Variants in BLOC1S5 observed in about 807,000 individuals in gnomAD.
BLOC1S5 encodes the protein biogenesis of lysosome-related organelles complex 1 subunit 5.
BLOC1S5 carries 27 observed loss-of-function variants against 24.3 expected under a neutral mutation model. The observed-to-expected ratio is 1.11, with a 90% CI of 0.82 to 1.53. The LOEUF is 1.53. BLOC1S5 is among the 40% of genes most tolerant of loss of function. The pLI is 0.00. For synonymous variants in BLOC1S5, 84 were observed against 74.5 expected, an observed-to-expected ratio of 1.13 and a Z score of -0.66; for missense variants, 239 against 229.4, an observed-to-expected ratio of 1.04 and a Z score of -0.27.
intron 3 of BLOC1S5, among the ~76,000 whole-genome samples, chr6:8,034,196 A>G (rs1036233876): frequency 1.3e-5 from 2 of 152,242 alleles, no homozygotes; most frequent in Non-Finnish European, 2.9e-5. Flanking sequence ...TTATTGCAGC[A>G]CTATTCACAA....
rs141467647 is a variant in BLOC1S5, at chr6:8,064,280, G to C, written c.97C>G (p.His33Asp). 39 of 1,613,542 alleles carry C rather than the reference G, an allele frequency of 2.4e-5. No individual in the cohort carries two copies. The African/African-American group carries it at 4.8e-4, about 20-fold the overall frequency. ...CACTCCGTACCCTTGATAATGAGGT[G>C]CGCTGAGCCCGCAGTCCCCAGGGAG... ...RDSLGTAGSA[H>D]LIIKDLGEIH... The change falls in exon 1 of 5, where the codon CAC (histidine) becomes GAC (aspartate). Residue 33 changes from histidine (H) to aspartate (D), a missense_variant. By Grantham distance (81) the His-to-Asp change is moderately conservative (BLOSUM62 -1). Transcript: ENST00000397457.
chr6:8,019,214 C>G (rs1430939393), intron 4 of BLOC1S5, among the ~76,000 whole-genome samples: 2 of 152,010 alleles, frequency 1.3e-5, no homozygotes, highest in African/African-American at 4.8e-5. Flanking sequence ...TACAGTCACT[C>G]CACGCTATCG....
At chr6:8,052,895 C>CA (rs572772278) in intron 2 of BLOC1S5, among the ~76,000 whole-genome samples, 22,515 of 115,576 alleles carry the variant, frequency 0.19, 1,753 homozygotes, top group Admixed American at 0.23. Context: ...GAGACTCTGT[C>CA]AAAAAAAAAA....
At chr6:8,039,840 C>T (rs1763618547) in intron 3 of BLOC1S5, among the ~76,000 whole-genome samples, 1 of 152,032 alleles carries the variant, frequency 6.6e-6, no homozygotes, top group African/African-American at 2.4e-5. Context: ...GGGTATGGGA[C>T]CAGGCTAAAA....
At chr6:8,052,748 A>C (rs1764160908) in intron 2 of BLOC1S5, among the ~76,000 whole-genome samples, 1 of 152,100 alleles carries the variant, frequency 6.6e-6, no homozygotes, top group Non-Finnish European at 1.5e-5. Context: ...CAAAAAAATT[A>C]GCCGGGCACA....
intron 2 of BLOC1S5, among the ~76,000 whole-genome samples, chr6:8,053,066 C>T (rs553405701): frequency 1.3e-5 from 2 of 152,282 alleles, no homozygotes; most frequent in African/African-American, 4.8e-5. Context: ...ACAATGGCCT[C>T]TACGTGTTCA....
chr6:8,063,064 T>C (rs983539097), intron 1 of BLOC1S5, among the ~76,000 whole-genome samples: 1 of 152,132 alleles, frequency 6.6e-6, no homozygotes, highest in African/African-American at 2.4e-5. Flanking sequence ...ATAATAAATA[T>C]AATAAAAAAG....
At chr6:8,054,259 C>G (rs1456158038) in intron 2 of BLOC1S5, 1 of 452,132 alleles carries the variant, frequency 2.2e-6, no homozygotes, top group Admixed American at 2.4e-5. Context: ...CTACTTTTCA[C>G]ATACACTCAC....
At chr6:8,038,613 T>A (rs1040931865) in intron 3 of BLOC1S5, among the ~76,000 whole-genome samples, 3 of 152,092 alleles carry the variant, frequency 2.0e-5, no homozygotes, top group Non-Finnish European at 4.4e-5. Context: ...GCCTCCTGAG[T>A]AGCTGGGACT....
At chr6:8,061,100 T>C (rs1764495252) in intron 2 of BLOC1S5, among the ~76,000 whole-genome samples, 1 of 152,172 alleles carries the variant, frequency 6.6e-6, no homozygotes, top group Non-Finnish European at 1.5e-5. Flanking sequence ...AGTGCTGGGA[T>C]AAATTGAGCC....
intron 2 of BLOC1S5, among the ~76,000 whole-genome samples, chr6:8,056,292 G>T (rs1054853258): frequency 1.3e-5 from 2 of 152,118 alleles, no homozygotes; most frequent in African/African-American, 2.4e-5. Context: ...AGCACTCAAG[G>T]CTCTCGCAAG....
intron 2 of BLOC1S5, among the ~76,000 whole-genome samples, chr6:8,046,000 G>C (rs1317214883): frequency 6.6e-6 from 1 of 152,148 alleles, no homozygotes; most frequent in Non-Finnish European, 1.5e-5. Flanking sequence ...GTGAGATTTG[G>C]AGGGGCCAAA....
intron 2 of BLOC1S5, among the ~76,000 whole-genome samples, chr6:8,044,283 CAAAAAAAA>C (rs1175141654): frequency 1.1e-5 from 1 of 89,000 alleles, no homozygotes; most frequent in Non-Finnish European, 2.2e-5. Context: ...GACTCTGTCT[CAAAAAAAA>C]AAAAAAAAAA....
At chr6:8,028,759 T>G (rs2113533185) in intron 3 of BLOC1S5, among the ~76,000 whole-genome samples, 1 of 148,248 alleles carries the variant, frequency 6.7e-6, no homozygotes, top group South Asian at 2.1e-4. Context: ...ACGGAAAAGG[T>G]TTACTTTCTG....
rs1481250981 is a variant in BLOC1S5 at position 8,025,929 on chromosome 6, C to T, written c.384+438G>A. Among the ~76,000 whole-genome samples, 5 of 152,214 alleles carry T rather than the reference C, an allele frequency of 3.3e-5. 1 individual carries two copies. The highest frequency in any genetic ancestry group is 1.2e-4 in the African/African-American group (5 of 41,470). On this transcript the variant is annotated intron_variant, in intron 4 of 4. Coordinates refer to ENST00000397457, the MANE Select transcript of BLOC1S5 (RefSeq NM_201280.3). ...TAACATATAATTCAAATAAGCAAAG[C>T]ACTGCCCAGCAAATGATTCAAATAC...
rs1399309971 is a variant in BLOC1S5, at chr6:8,063,903, C to T, written c.112+362G>A. Among the ~76,000 whole-genome samples the T allele has an allele frequency of 2.0e-5, 3 of 152,342 alleles. No homozygotes were observed. The East Asian group carries it at 5.8e-4, about 29-fold the overall frequency. Reference sequence around the variant, plus strand: ...GTAAAGCCAGTGACCCGAAGTCACTCAACTCCTAAGCGACTGCCTCCCGCC... The same window carrying T: ...GTAAAGCCAGTGACCCGAAGTCACTTAACTCCTAAGCGACTGCCTCCCGCC... On this transcript the variant is annotated intron_variant, in intron 1 of 4. Coordinates refer to ENST00000397457, the MANE Select transcript of BLOC1S5 (RefSeq NM_201280.3).
intron 2 of BLOC1S5, among the ~76,000 whole-genome samples, chr6:8,043,991 A>G (rs1763783861): frequency 6.6e-6 from 1 of 152,188 alleles, no homozygotes; most frequent in Non-Finnish European, 1.5e-5. Context: ...CATGTTAAGA[A>G]GTGCCTTTCA....
intron 4 of BLOC1S5, among the ~76,000 whole-genome samples, chr6:8,019,971 AAC>A (rs1008422694): frequency 1.3e-5 from 2 of 152,188 alleles, no homozygotes; most frequent in Non-Finnish European, 2.9e-5. Context: ...AAAAACTTAA[AAC>A]ACACAGTATC....
At chr6:8,049,314 T>C (rs1350831237) in intron 2 of BLOC1S5, among the ~76,000 whole-genome samples, 1 of 150,728 alleles carries the variant, frequency 6.6e-6, no homozygotes, top group Non-Finnish European at 1.5e-5. Flanking sequence ...GAGGCTGCAG[T>C]GAGCCGCGAT....
Sources: gnomAD v4.1 joint callset for allele counts (sites outside exome capture counted in the v4.1 genomes callset) on GRCh38, gnomAD v4.1.1 for gene constraint, MANE v1.5 for transcripts, NCBI Gene and HGNC (gene_info 2026-07-23, HGNC 2026-07-21) for gene names.